The following ANKRD12 variants were observed in gnomAD, a reference collection of about 807,000 sequenced individuals.
ANKRD12 encodes ankyrin repeat domain-containing protein 12.
A neutral mutation model predicts 183.4 loss-of-function variants in ANKRD12; 85 were observed. That is an observed-to-expected ratio of 0.46 (90% CI 0.39 to 0.56). ANKRD12 has a LOEUF of 0.56. Among genes scored for constraint, ANKRD12 ranks in the 20% least tolerant of loss-of-function variants. The pLI, the probability that ANKRD12 is intolerant of heterozygous loss-of-function variation, is 0.00. For synonymous variants in ANKRD12, 914 were observed against 800.2 expected, an observed-to-expected ratio of 1.14 and a Z score of -2.40; for missense variants, 2,405 against 2,357.1, an observed-to-expected ratio of 1.02 and a Z score of -0.42.
Position 9,149,407 on chromosome 18 carries a change from T to C in ANKRD12, c.-52+12442T>C, listed in dbSNP as rs550040340. Reference sequence around the variant, plus strand: ...AGGAGAATTAGTTCATTTAGACTAGTGTTTATTGAACATACTTTTCATGAT... The same window carrying C: ...AGGAGAATTAGTTCATTTAGACTAGCGTTTATTGAACATACTTTTCATGAT... On this transcript the variant is annotated intron_variant, in intron 1 of 12. Coordinates refer to ENST00000262126, the MANE Select transcript of ANKRD12 (RefSeq NM_015208.5). 2.6e-5 allele frequency among the ~76,000 whole-genome samples: 4 copies of C among 152,354 alleles called. No homozygotes were observed. In the South Asian group the frequency reaches 8.3e-4, roughly 32 times the overall value.
At position 9,222,097 on chromosome 18, in the gene ANKRD12, T is replaced by C. The variant is rs952991284; in HGVS notation, c.943+98T>C. Reference sequence around the variant, plus strand: ...TAATATACAAAATGTTTGAATACTTTAGAATAATGCTGGCTAGCTAGAATA... The same window carrying C: ...TAATATACAAAATGTTTGAATACTTCAGAATAATGCTGGCTAGCTAGAATA... On this transcript the variant is annotated intron_variant, in intron 8 of 12. Coordinates refer to ENST00000262126, the MANE Select transcript of ANKRD12 (RefSeq NM_015208.5). The C allele has an allele frequency of 2.2e-5, 31 of 1,399,412 alleles. 1 individual carries two copies. In the South Asian group the frequency reaches 2.9e-4, roughly 13 times the overall value. The allele number at this position is 1,399,412 out of a possible 1,614,324, so 86.7% of individuals were successfully genotyped here. A position where few individuals can be genotyped will look rare whatever the true frequency, so the allele number is the denominator to read the frequency against.
intron 12 of ANKRD12, among the ~76,000 whole-genome samples, chr18:9,280,491 C>T (rs892855416): frequency 1.3e-5 from 2 of 152,112 alleles, no homozygotes; most frequent in African/African-American, 4.8e-5. Flanking sequence ...CAGGATAAAA[C>T]AGAAATGGAC....
intron 1 of ANKRD12, among the ~76,000 whole-genome samples, chr18:9,167,061 G>T (rs1188778218): frequency 1.3e-5 from 2 of 151,982 alleles, no homozygotes; most frequent in Non-Finnish European, 2.9e-5. Context: ...GCTCTGTTCT[G>T]TTCCATTGGT....
At chr18:9,137,299 C>CGGGGCGGGGCG (rs2078140604) in intron 1 of ANKRD12, among the ~76,000 whole-genome samples, 1 of 146,198 alleles carries the variant, frequency 6.8e-6, no homozygotes, top group Non-Finnish European at 1.5e-5. Context: ...GGGCGCTGCG[C>CGGGGCGGGGCG]GGGGCGGGGC....
intron 1 of ANKRD12, among the ~76,000 whole-genome samples, chr18:9,164,484 G>C (rs920986572): frequency 6.6e-6 from 1 of 152,130 alleles, no homozygotes; most frequent in African/African-American, 2.4e-5. Flanking sequence ...TCTTTTAGTT[G>C]TGACATTAGG....
At position 9,254,954 on chromosome 18, in the gene ANKRD12, A is replaced by T; in HGVS notation, c.1687A>T (p.Thr563Ser). 1 of 1,607,102 alleles carries T rather than the reference A, an allele frequency of 6.2e-7. No homozygotes were observed. Among genetic ancestry groups the T allele is most frequent in the Non-Finnish European group, 8.5e-7 (1 of 1,177,554 alleles). The change falls in exon 9 of 13, where the codon ACT becomes TCT. Residue 563 changes from threonine (T) to serine (S), a missense_variant. Thr to Ser is a moderately conservative substitution (Grantham distance 58, BLOSUM62 1). This residue lies in a region of ANKRD12 where 1,983 missense variants were observed against 1,725.9 expected (regional missense o/e 1.15). Coordinates refer to ENST00000262126, the MANE Select transcript of ANKRD12 (RefSeq NM_015208.5). ...KQSTPLKQEH[T>S]KTCLSPGSSE... ...GTCAACACCACTAAAACAAGAACAT[A>T]CTAAAACATGTTTATCACCAGGAAG...
chr18:9,265,453 A>G (rs1237244659), intron 10 of ANKRD12, among the ~76,000 whole-genome samples: 1 of 152,192 alleles, frequency 6.6e-6, no homozygotes, highest in Non-Finnish European at 1.5e-5. Flanking sequence ...TCAGGCAGCA[A>G]CATTTGCTGT....
At chr18:9,169,560 G>C (rs2032466967) in intron 1 of ANKRD12, among the ~76,000 whole-genome samples, 1 of 151,916 alleles carries the variant, frequency 6.6e-6, no homozygotes, top group African/African-American at 2.4e-5. Context: ...TTTTCCATTT[G>C]CTTGGTAGAT....
intron 1 of ANKRD12, among the ~76,000 whole-genome samples, chr18:9,150,672 G>A (rs2078655754): frequency 6.6e-6 from 1 of 150,914 alleles, no homozygotes; most frequent in Admixed American, 6.6e-5. Context: ...ATTATTTTTT[G>A]AGACGGAGTC....
At chr18:9,141,815 T>C (rs117826315) in intron 1 of ANKRD12, among the ~76,000 whole-genome samples, 2,656 of 152,344 alleles carry the variant, frequency 0.017, 47 homozygotes, top group Admixed American at 0.031. Flanking sequence ...AATAAGTACA[T>C]TTTTAACTAC....
intron 11 of ANKRD12, among the ~76,000 whole-genome samples, chr18:9,276,880 T>C (rs1363675014): frequency 6.6e-6 from 1 of 152,192 alleles, no homozygotes; most frequent in Non-Finnish European, 1.5e-5. Flanking sequence ...TCTAGAACTT[T>C]CATATTTAAA....
chr18:9,265,822 CGA>C (rs1245393172), intron 10 of ANKRD12, among the ~76,000 whole-genome samples: 1 of 151,980 alleles, frequency 6.6e-6, no homozygotes, highest in Non-Finnish European at 1.5e-5. Flanking sequence ...CAAACTACTC[CGA>C]GATAAAGGAG....
intron 2 of ANKRD12, among the ~76,000 whole-genome samples, chr18:9,192,730 C>G (rs565559016): frequency 3.3e-5 from 5 of 149,928 alleles, no homozygotes; most frequent in African/African-American, 1.2e-4. Flanking sequence ...GAGACAGGGT[C>G]TTGCTCTGCT....
At chr18:9,191,493 T>G (rs138529912) in intron 2 of ANKRD12, among the ~76,000 whole-genome samples, 190 of 152,264 alleles carry the variant, frequency 1.2e-3, no homozygotes, top group African/African-American at 4.5e-3. Flanking sequence ...TTTTTTTAAC[T>G]CATTTTGTGG....
rs565757515 is a variant in ANKRD12 at position 9,187,050 on chromosome 18, T to C, written c.87+4531T>C. The stretch of plus-strand genomic sequence containing the variant: ...TGCTGGGATTACAGGCGTGAGCCAC[T>C]GCGCCTGGCCGATTGTCTTTTCATA... On this transcript the variant is annotated intron_variant, in intron 2 of 12. Coordinates refer to ENST00000262126, the MANE Select transcript of ANKRD12 (RefSeq NM_015208.5). Among the ~76,000 whole-genome samples the C allele has an allele frequency of 5.3e-4, 81 of 152,272 alleles. 1 individual carries two copies. The highest frequency in any genetic ancestry group is 3.7e-3 in the Admixed American group (56 of 15,284).
Position 9,255,410 on chromosome 18 carries a change from C to CATG in ANKRD12, c.2145_2147dup (p.His715_Glu716insAsp). On this transcript the variant is annotated inframe_insertion, in exon 9 of 13. Transcript: ENST00000262126. ...TGAAGATCTCTTTTTAAATATGGAA[C>CATG]ATGAATCCTTAACATTAGAAAAAAA... 1 of 1,578,934 alleles carries CATG rather than the reference C, an allele frequency of 6.3e-7. No homozygotes were observed. Among genetic ancestry groups the CATG allele is most frequent in the Non-Finnish European group, 8.5e-7 (1 of 1,169,920 alleles).
At chr18:9,250,698 C>T (rs2038240488) in intron 8 of ANKRD12, among the ~76,000 whole-genome samples, 1 of 152,082 alleles carries the variant, frequency 6.6e-6, no homozygotes, top group Admixed American at 6.5e-5. Context: ...GCCTGGGCAA[C>T]AGAACAAGAC....
chr18:9,172,025 CA>C (rs60328704), intron 1 of ANKRD12, among the ~76,000 whole-genome samples: 87 of 125,804 alleles, frequency 6.9e-4, no homozygotes, highest in African/African-American at 1.4e-3. Flanking sequence ...AGCTCCACCT[CA>C]AAAAAAAAAA....
Position 9,283,316 on chromosome 18 carries a change from G to A in ANKRD12, c.*2190G>A, listed in dbSNP as rs1358499373. The A allele has an allele frequency of 6.6e-6, 1 of 152,136 alleles. No individual in the cohort carries two copies. The highest frequency in any genetic ancestry group is 1.5e-5 in the Non-Finnish European group (1 of 68,016). 9.4% of individuals were successfully genotyped at this position (152,136 alleles called of 1,614,324 possible). A position where few individuals can be genotyped will look rare whatever the true frequency, so the allele number is the denominator to read the frequency against. ...AATCTGGTGAATTTTAGTCATCCCAGCTTTTTAGTCTTAACCACAGTTCTC... is the reference window on the plus strand; with the variant it reads ...AATCTGGTGAATTTTAGTCATCCCAACTTTTTAGTCTTAACCACAGTTCTC... On this transcript the variant is annotated 3_prime_UTR_variant, in exon 13 of 13. Transcript: ENST00000262126.
Sources: allele counts gnomAD v4.1 joint callset (sites outside exome capture counted in the v4.1 genomes callset), GRCh38; gene constraint gnomAD v4.1.1; regional missense constraint gnomAD v4.1.1; transcripts MANE v1.5; gene names NCBI Gene and HGNC (gene_info 2026-07-23, HGNC 2026-07-21).